The following ARL14EPL variants were observed in gnomAD, a reference collection of about 807,000 sequenced individuals.
ARL14EPL encodes ARF like GTPase 14 effector protein like.
In ARL14EPL, 17 loss-of-function variants were observed where a neutral mutation model predicts 15.9. The ratio of observed to expected loss-of-function variants is 1.07; its 90% CI spans 0.73 to 1.60. The LOEUF is 1.60. Ranked by LOEUF, ARL14EPL falls within the 40% of genes most tolerant of loss-of-function variation. The pLI, the probability that ARL14EPL is intolerant of heterozygous loss-of-function variation, is 0.00. For synonymous variants in ARL14EPL, 78 were observed against 63.8 expected (o/e 1.22, Z -1.06); for missense variants, 214 against 185.9 (o/e 1.15, Z -0.88).
chr5:116,033,478 T>G (rs1265309298), intron 1 of ARL14EPL, among the ~76,000 whole-genome samples: 3 of 152,214 alleles, frequency 2.0e-5, no homozygotes, highest in East Asian at 3.8e-4. Flanking sequence ...CATTTTCAAC[T>G]TACTATAGGC....
chr5:116,058,193 A>G (rs1420968263), intron 3 of ARL14EPL, among the ~76,000 whole-genome samples: 1 of 150,920 alleles, frequency 6.6e-6, no homozygotes, highest in Non-Finnish European at 1.5e-5. Flanking sequence ...GCACTTGGAG[A>G]CTGTTAGCAA....
intron 1 of ARL14EPL, among the ~76,000 whole-genome samples, chr5:116,044,993 A>T (rs1426343170): frequency 1.3e-5 from 2 of 152,152 alleles, no homozygotes; most frequent in African/African-American, 4.8e-5. Flanking sequence ...TTCATGAGGC[A>T]ACTCACATGA....
intron 1 of ARL14EPL, among the ~76,000 whole-genome samples, chr5:116,039,567 T>A (rs1377683405): frequency 6.6e-6 from 1 of 152,066 alleles, no homozygotes; most frequent in Non-Finnish European, 1.5e-5. Context: ...ATGAGATTTA[T>A]ATCCCGAAAT....
intron 1 of ARL14EPL, among the ~76,000 whole-genome samples, chr5:116,050,835 A>G (rs905476874): frequency 4.8e-5 from 7 of 147,024 alleles, no homozygotes; most frequent in African/African-American, 1.0e-4. Flanking sequence ...ACATGCACAC[A>G]CACACACACA....
intron 1 of ARL14EPL, among the ~76,000 whole-genome samples, chr5:116,032,759 T>C (rs1242836365): frequency 6.6e-6 from 1 of 152,176 alleles, no homozygotes; most frequent in Admixed American, 6.5e-5. Flanking sequence ...TAATTCCTGA[T>C]ACATAGCTGT....
intron 1 of ARL14EPL, among the ~76,000 whole-genome samples, chr5:116,037,764 T>C (rs1690885926): frequency 6.6e-6 from 1 of 152,216 alleles, no homozygotes; most frequent in South Asian, 2.1e-4. Flanking sequence ...TAGGAAATGA[T>C]AAAGTATAAA....
At chr5:116,055,790 C>T (rs190964390) in intron 3 of ARL14EPL, among the ~76,000 whole-genome samples, 1,716 of 152,190 alleles carry the variant, frequency 0.011, 26 homozygotes, top group Admixed American at 0.018. Context: ...AATGCTATCC[C>T]TCCCCACTCC....
chr5:116,042,563 C>G (rs150349387), intron 1 of ARL14EPL, among the ~76,000 whole-genome samples: 1,991 of 152,266 alleles, frequency 0.013, 44 homozygotes, highest in African/African-American at 0.045. Flanking sequence ...CCACAGCAAA[C>G]CAGAAGTAGT....
At chr5:116,050,287 C>T (rs1210495123) in intron 1 of ARL14EPL, among the ~76,000 whole-genome samples, 1 of 152,186 alleles carries the variant, frequency 6.6e-6, no homozygotes, top group African/African-American at 2.4e-5. Flanking sequence ...CTATTGTTGC[C>T]ATCTTTCTGT....
chr5:116,048,497 A>T (rs1749313754), intron 1 of ARL14EPL, among the ~76,000 whole-genome samples: 1 of 152,164 alleles, frequency 6.6e-6, no homozygotes, highest in South Asian at 2.1e-4. Flanking sequence ...ATTTTATAAA[A>T]TAAAACCTGT....
intron 2 of ARL14EPL, chr5:116,052,028 G>T: frequency 6.2e-7 from 1 of 1,611,230 alleles, no homozygotes; most frequent in Non-Finnish European, 8.5e-7. Context: ...CTCCTGAAGG[G>T]CTGCCCTGGC....
At chr5:116,049,058 A>T (rs943242821) in intron 1 of ARL14EPL, among the ~76,000 whole-genome samples, 1 of 152,228 alleles carries the variant, frequency 6.6e-6, no homozygotes, top group Non-Finnish European at 1.5e-5. Context: ...GACGTAGCCC[A>T]TGGCAAATCA....
chr5:116,039,624 T>C (rs1329229643), intron 1 of ARL14EPL, among the ~76,000 whole-genome samples: 5 of 151,848 alleles, frequency 3.3e-5, no homozygotes, highest in Non-Finnish European at 7.4e-5. Context: ...GAGCTAAACA[T>C]ACCTCTTAGA....
At chr5:116,045,063 T>C (rs780416030) in intron 1 of ARL14EPL, among the ~76,000 whole-genome samples, 32 of 152,264 alleles carry the variant, frequency 2.1e-4, no homozygotes, top group Non-Finnish European at 4.1e-4. Flanking sequence ...CCTTTACAAA[T>C]GATGCATCCT....
intron 1 of ARL14EPL, among the ~76,000 whole-genome samples, chr5:116,048,424 G>A (rs1749312867): frequency 6.6e-6 from 1 of 152,142 alleles, no homozygotes; most frequent in South Asian, 2.1e-4. Context: ...TCTTATTTTT[G>A]TGTCACGGAT....
chr5:116,056,370 G>A (rs1265747923), intron 3 of ARL14EPL, among the ~76,000 whole-genome samples: 1 of 152,150 alleles, frequency 6.6e-6, no homozygotes, highest in African/African-American at 2.4e-5. Flanking sequence ...TCTCATTGTG[G>A]TTTTGATTTG....
At chr5:116,041,861 C>T (rs1393265802) in intron 1 of ARL14EPL, among the ~76,000 whole-genome samples, 2 of 152,112 alleles carry the variant, frequency 1.3e-5, no homozygotes, top group Non-Finnish European at 2.9e-5. Context: ...CAGGGTTTCA[C>T]TCTGTCATGC....
chr5:116,051,497 T>C lies in ARL14EPL; in HGVS notation c.32T>C (p.Ile11Thr), dbSNP rs898051194. 2.0e-5 allele frequency: 31 copies of C among 1,535,678 alleles called. No individual in the cohort carries two copies. The African/African-American group carries it at 3.0e-4, about 15-fold the overall frequency. The part of the protein sequence containing the change: MNEQSEKNNS[I>T]QERHTDHSFP... ...GAACAATCAGAGAAAAACAATTCCA[T>C]TCAAGAGAGACACACAGATCATAGT... is the stretch of plus-strand genomic sequence containing the variant. Residue 11 changes from isoleucine (I) to threonine (T), a missense_variant, in exon 2 of 4, where the codon ATT becomes ACT. Transcript: ENST00000686077.
At chr5:116,039,978 C>A (rs1226602898) in intron 1 of ARL14EPL, among the ~76,000 whole-genome samples, 1 of 152,260 alleles carries the variant, frequency 6.6e-6, no homozygotes, top group East Asian at 1.9e-4. Flanking sequence ...TCCTTCTTAA[C>A]AAATATGTTT....
Sources: gnomAD v4.1 joint callset for allele counts (sites outside exome capture counted in the v4.1 genomes callset) on GRCh38, gnomAD v4.1.1 for gene constraint, MANE v1.5 for transcripts, NCBI Gene and HGNC (gene_info 2026-07-23, HGNC 2026-07-21) for gene names.